CMIP: variants seen among roughly 807,000 people sequenced by gnomAD.
CMIP encodes C-Maf-inducing protein.
Under a neutral mutation model 97.3 loss-of-function variants are expected in CMIP, and 13 were observed. The observed-to-expected ratio is 0.13, with a 90% CI of 0.09 to 0.21. CMIP has a LOEUF of 0.21. Among genes scored for constraint, CMIP ranks in the 10% least tolerant of loss-of-function variants. The pLI is 1.00. For synonymous variants in CMIP, 538 were observed against 436.3 expected, an observed-to-expected ratio of 1.23 and a Z score of -2.91; for missense variants, 847 against 1,024.9, an observed-to-expected ratio of 0.83 and a Z score of 2.37.
At chr16:81,661,757 C>T (rs1410102518) in intron 6 of CMIP, among the ~76,000 whole-genome samples, 1 of 152,158 alleles carries the variant, frequency 6.6e-6, no homozygotes, top group African/African-American at 2.4e-5. Flanking sequence ...CGGCCCCCCA[C>T]CCCTCACCCC....
At chr16:81,531,986 G>A (rs1042711122) in intron 1 of CMIP, among the ~76,000 whole-genome samples, 4 of 152,162 alleles carry the variant, frequency 2.6e-5, no homozygotes, top group East Asian at 1.9e-4. Flanking sequence ...ACTGTCCTGC[G>A]ATTTGATAGC....
intron 1 of CMIP, among the ~76,000 whole-genome samples, chr16:81,501,582 A>G (rs887366178): frequency 4.0e-5 from 6 of 148,934 alleles, no homozygotes; most frequent in Non-Finnish European, 8.9e-5. Flanking sequence ...TGGCATGGGC[A>G]TTGATGCTTA....
intron 11 of CMIP, 110 bp downstream of exon 11, chr16:81,691,950 C>T (rs544207112): frequency 1.7e-4 from 165 of 954,750 alleles, no homozygotes; most frequent in Non-Finnish European, 2.5e-4. Flanking sequence ...GAAGTCACAG[C>T]GGGAAGACCC....
intron 1 of CMIP, among the ~76,000 whole-genome samples, chr16:81,466,831 G>A (rs1027986029): frequency 6.6e-6 from 1 of 152,132 alleles, no homozygotes; most frequent in Non-Finnish European, 1.5e-5. Flanking sequence ...GGAACAAAAG[G>A]GCCTTGCTTG....
intron 2 of CMIP, among the ~76,000 whole-genome samples, chr16:81,613,196 T>C (rs1457785076): frequency 6.6e-6 from 1 of 152,218 alleles, no homozygotes; most frequent in Non-Finnish European, 1.5e-5. Context: ...GTTCTGGCGC[T>C]TCCCTTAGTT....
intron 1 of CMIP, among the ~76,000 whole-genome samples, chr16:81,509,132 A>C (rs1359167214): frequency 2.6e-5 from 4 of 152,214 alleles, no homozygotes; most frequent in Non-Finnish European, 5.9e-5. Flanking sequence ...TGAAGAACAG[A>C]TTCATTCAGG....
intron 3 of CMIP, among the ~76,000 whole-genome samples, chr16:81,628,257 G>C (rs2092102182): frequency 6.6e-6 from 1 of 152,128 alleles, no homozygotes; most frequent in African/African-American, 2.4e-5. Context: ...GCCACTCCTA[G>C]TGTCCTAGAG....
intron 1 of CMIP, among the ~76,000 whole-genome samples, chr16:81,603,820 T>C (rs949607460): frequency 2.0e-5 from 3 of 152,216 alleles, no homozygotes; most frequent in African/African-American, 7.2e-5. Context: ...GAGGCAAAGA[T>C]TGGTCTTTCT....
intron 2 of CMIP, chr16:81,619,086 A>G (rs964013418): frequency 1.3e-5 from 2 of 152,162 alleles, no homozygotes; most frequent in Non-Finnish European, 2.9e-5. Flanking sequence ...CAGTCACACC[A>G]CTAGACACGA....
rs140499870 is a variant in CMIP, at chr16:81,514,430, G to A, written c.300+68889G>A. 4.1e-4 allele frequency among the ~76,000 whole-genome samples: 63 copies of A among 152,290 alleles called. 1 individual carries two copies. The East Asian group carries it at 8.7e-3, about 21-fold the overall frequency. Reference sequence around the variant, plus strand: ...GGGGTGCAGTGGTCAGGAGTGTGACGAGACCATCCAGGTTCCAACCCAGCT... The same window carrying A: ...GGGGTGCAGTGGTCAGGAGTGTGACAAGACCATCCAGGTTCCAACCCAGCT... On this transcript the variant is annotated intron_variant, in intron 1 of 20. Coordinates refer to ENST00000537098, the MANE Select transcript of CMIP (RefSeq NM_198390.3).
At chr16:81,691,922 G>T in intron 11 of CMIP, 82 bp downstream of exon 11, 2 of 1,216,382 alleles carry the variant, frequency 1.6e-6, no homozygotes, top group Non-Finnish European at 2.4e-6. Flanking sequence ...TGGGGGGCCA[G>T]TCATGTTATG....
In CMIP at chr16:81,475,992, A is replaced by G. The variant is rs948768803; in HGVS notation, c.300+30451A>G. The stretch of plus-strand genomic sequence containing the variant: ...ACAGAGTGAGACTCCTTCTCAAAAA[A>G]AAAAAAAAAAGATAAAACATAAGTC... On this transcript the variant is annotated intron_variant, in intron 1 of 20. Transcript: ENST00000537098. 7.4e-6 allele frequency: 4 copies of G among 537,484 alleles called. No individual in the cohort carries two copies. In the African/African-American group the frequency reaches 7.9e-5, roughly 11 times the overall value. 33.3% of individuals were successfully genotyped at this position (537,484 alleles called of 1,614,324 possible). A position where few individuals can be genotyped will look rare whatever the true frequency, so the allele number is the denominator to read the frequency against.
At chr16:81,530,168 C>T (rs751877837) in intron 1 of CMIP, among the ~76,000 whole-genome samples, 2 of 152,152 alleles carry the variant, frequency 1.3e-5, no homozygotes, top group Admixed American at 6.5e-5. Context: ...CAGACTCATT[C>T]AGGATCAAGG....
chr16:81,457,859 G>A (rs1175504441), intron 1 of CMIP, among the ~76,000 whole-genome samples: 1 of 152,178 alleles, frequency 6.6e-6, no homozygotes, highest in Non-Finnish European at 1.5e-5. Context: ...AGAGCCGGTG[G>A]GCCACGGCAC....
intron 1 of CMIP, among the ~76,000 whole-genome samples, chr16:81,552,156 G>C (rs1188748950): frequency 6.6e-6 from 1 of 152,134 alleles, no homozygotes; most frequent in African/African-American, 2.4e-5. Context: ...GGCTGCAAGG[G>C]GGCAGGGAGT....
At chr16:81,476,815 A>G (rs1426053182) in intron 1 of CMIP, among the ~76,000 whole-genome samples, 1 of 152,080 alleles carries the variant, frequency 6.6e-6, no homozygotes, top group Non-Finnish European at 1.5e-5. Context: ...AGTTTCTCCC[A>G]TTTCCTGTTT....
chr16:81,456,577 C>A (rs974542297), intron 1 of CMIP, among the ~76,000 whole-genome samples: 1 of 151,454 alleles, frequency 6.6e-6, no homozygotes, highest in African/African-American at 2.5e-5. Context: ...CTAATCCTCA[C>A]GATGCCCCTG....
chr16:81,574,934 T>A (rs2091163118), intron 1 of CMIP, among the ~76,000 whole-genome samples: 1 of 152,216 alleles, frequency 6.6e-6, no homozygotes, highest in Non-Finnish European at 1.5e-5. Flanking sequence ...GGAAGAGCAT[T>A]TGCATAGGGC....
intron 1 of CMIP, among the ~76,000 whole-genome samples, chr16:81,579,214 A>G (rs1478954189): frequency 6.6e-6 from 1 of 152,120 alleles, no homozygotes; most frequent in Non-Finnish European, 1.5e-5. Context: ...AATGAGGAGG[A>G]AGATGAAGGT....
Sources: allele counts gnomAD v4.1 joint callset (sites outside exome capture counted in the v4.1 genomes callset), GRCh38; gene constraint gnomAD v4.1.1; transcripts MANE v1.5; gene names NCBI Gene and HGNC (gene_info 2026-07-23, HGNC 2026-07-21).